The following ERG variants were observed in gnomAD, a reference collection of about 807,000 sequenced individuals.
ERG encodes the protein ETS transcription factor ERG, also known as transcriptional regulator ERG.
ERG carries 9 observed loss-of-function variants against 55.3 expected under a neutral mutation model. That is an observed-to-expected ratio of 0.16 (90% CI 0.10 to 0.28). The LOEUF (loss-of-function observed/expected upper bound fraction) is 0.28, where lower values mean the gene tolerates loss of function less well. Ranked by LOEUF, ERG falls within the 10% of genes least tolerant of loss-of-function variation. The pLI, the probability that ERG is intolerant of heterozygous loss-of-function variation, is 1.00. For missense variants in ERG, 434 were observed against 631.6 expected (o/e 0.69, Z 3.35); for synonymous variants, 223 against 237.3 (o/e 0.94, Z 0.55).
rs999742120 is a variant in ERG at position 38,381,789 on chromosome 21, G to A, written c.*1614C>T. 21 of 1,063,380 alleles carry A rather than the reference G, an allele frequency of 2.0e-5. No individual in the cohort carries two copies. The African/African-American group carries it at 3.0e-4, about 15-fold the overall frequency. 65.9% of individuals were successfully genotyped at this position (1,063,380 alleles called of 1,614,324 possible). On this transcript the variant is annotated 3_prime_UTR_variant, in exon 10 of 10. Transcript: ENST00000288319. ...CAGGCATAAATATGGAGGCTCCAATGTGAAACCCGGGGTCCTTCTGTTCCA... is the reference window on the plus strand; with the variant it reads ...CAGGCATAAATATGGAGGCTCCAATATGAAACCCGGGGTCCTTCTGTTCCA...
At chr21:38,557,581 GT>G (rs1438962650) in intron 2 of ERG, among the ~76,000 whole-genome samples, 6 of 152,066 alleles carry the variant, frequency 3.9e-5, no homozygotes, top group African/African-American at 9.7e-5. Context: ...ATATGTGTAT[GT>G]TTTTTTAAAA....
chr21:38,372,279 C>T, the ERG span, among the ~76,000 whole-genome samples: 1 of 151,878 alleles, frequency 6.6e-6, no homozygotes, highest in Non-Finnish European at 1.5e-5. Flanking sequence ...TTTTAAAAAA[C>T]TCCAATTTTT....
intron 1 of ERG, among the ~76,000 whole-genome samples, chr21:38,633,805 T>A (rs910102451): frequency 6.6e-6 from 1 of 152,052 alleles, no homozygotes; most frequent in Admixed American, 6.5e-5. Context: ...GCCGAATTAT[T>A]TCATTTGTTT....
At chr21:38,451,620 C>A (rs929123098) in intron 1 of ERG, among the ~76,000 whole-genome samples, 1 of 152,158 alleles carries the variant, frequency 6.6e-6, no homozygotes, top group Admixed American at 6.5e-5. Context: ...CTCTTCAAGG[C>A]AGCACATATG....
chr21:38,549,417 C>G (rs1367348222), intron 2 of ERG, among the ~76,000 whole-genome samples: 1 of 152,204 alleles, frequency 6.6e-6, no homozygotes, highest in South Asian at 2.1e-4. Flanking sequence ...TCACCGAAAT[C>G]TACAACTAAA....
intron 2 of ERG, among the ~76,000 whole-genome samples, chr21:38,535,468 T>G (rs980235129): frequency 6.6e-6 from 1 of 152,186 alleles, no homozygotes; most frequent in Non-Finnish European, 1.5e-5. Flanking sequence ...ATAAAAGATT[T>G]TATAGCACCT....
intron 2 of ERG, among the ~76,000 whole-genome samples, chr21:38,429,394 T>C: frequency 3.2e-5 from 1 of 30,944 alleles, no homozygotes; most frequent in African/African-American, 6.2e-5. Flanking sequence ...TATGTACACA[T>C]ATACACATGT....
intron 2 of ERG, among the ~76,000 whole-genome samples, chr21:38,565,558 G>A (rs767626387): frequency 3.9e-5 from 6 of 152,144 alleles, no homozygotes; most frequent in Non-Finnish European, 8.8e-5. Flanking sequence ...GAAAGTGCCA[G>A]GAGAGCTCCT....
At chr21:38,438,633 T>C (rs1274710320) in intron 2 of ERG, among the ~76,000 whole-genome samples, 1 of 152,192 alleles carries the variant, frequency 6.6e-6, no homozygotes, top group Non-Finnish European at 1.5e-5. Flanking sequence ...CCAGATAGCA[T>C]TGTCTCTCGC....
intron 1 of ERG, among the ~76,000 whole-genome samples, chr21:38,657,518 A>G (rs1254495748): frequency 6.6e-6 from 1 of 152,214 alleles, no homozygotes; most frequent in African/African-American, 2.4e-5. Flanking sequence ...AGACTTTGCA[A>G]TGTTACAAAC....
At chr21:38,543,848 T>C (rs1194654902) in intron 2 of ERG, among the ~76,000 whole-genome samples, 1 of 151,352 alleles carries the variant, frequency 6.6e-6, no homozygotes, top group Non-Finnish European at 1.5e-5. Context: ...GCAGTTCTCC[T>C]GCCTCAGCCT....
chr21:38,605,773 G>C (rs1601305036), intron 1 of ERG, among the ~76,000 whole-genome samples: 2 of 152,302 alleles, frequency 1.3e-5, no homozygotes, highest in Admixed American at 1.3e-4. Context: ...ACAGTCATCT[G>C]TGAGAAATAA....
chr21:38,426,979 C>A (rs1989859058), intron 2 of ERG, among the ~76,000 whole-genome samples: 1 of 152,154 alleles, frequency 6.6e-6, no homozygotes, highest in Non-Finnish European at 1.5e-5. Context: ...ATTTTGAACC[C>A]TTCAGACCAA....
Position 38,404,894 on chromosome 21 carries a change from G to C in ERG, c.389-1185C>G, listed in dbSNP as rs144382985. On this transcript the variant is annotated intron_variant, in intron 3 of 9. Transcript: ENST00000288319. ...TCAAGAATGGAGCATGTAGTATGCT[G>C]CTGCAATACATTTTTAGGTTTGCAG... Among the ~76,000 whole-genome samples, 917 of 152,286 alleles carry C rather than the reference G, an allele frequency of 6.0e-3. 11 individuals are homozygous for C. The highest frequency in any genetic ancestry group is 0.021 in the African/African-American group (881 of 41,536).
At chr21:38,553,120 G>A (rs1325826502) in intron 2 of ERG, among the ~76,000 whole-genome samples, 1 of 151,934 alleles carries the variant, frequency 6.6e-6, no homozygotes, top group African/African-American at 2.4e-5. Flanking sequence ...ATACTTAAGG[G>A]TACAGATAAC....
At chr21:38,572,365 CAAAA>C (rs758324053) in intron 2 of ERG, among the ~76,000 whole-genome samples, 3 of 66,978 alleles carry the variant, frequency 4.5e-5, no homozygotes, top group African/African-American at 4.8e-5. Context: ...GAGACTCCAT[CAAAA>C]AAAAAAAAAA....
chr21:38,550,803 T>C (rs1175296036), intron 2 of ERG, among the ~76,000 whole-genome samples: 1 of 152,112 alleles, frequency 6.6e-6, no homozygotes, highest in African/African-American at 2.4e-5. Context: ...TCATTGCAAA[T>C]GGGACTCGGG....
intron 2 of ERG, among the ~76,000 whole-genome samples, chr21:38,427,128 A>T (rs1989866358): frequency 1.3e-5 from 2 of 152,182 alleles, no homozygotes; most frequent in Non-Finnish European, 1.5e-5. Context: ...CATGCCTGTA[A>T]TCTCAGCACT....
At chr21:38,537,651 T>TCAG (rs2059721221) in intron 2 of ERG, among the ~76,000 whole-genome samples, 1 of 152,154 alleles carries the variant, frequency 6.6e-6, no homozygotes, top group African/African-American at 2.4e-5. Flanking sequence ...GTATGACTAT[T>TCAG]ACCAAAAAAT....
Sources: gnomAD v4.1 joint callset for allele counts (sites outside exome capture counted in the v4.1 genomes callset) on GRCh38, gnomAD v4.1.1 for gene constraint, MANE v1.5 for transcripts, NCBI Gene and HGNC (gene_info 2026-07-23, HGNC 2026-07-21) for gene names.